Variants in MMP8 observed in about 807,000 individuals in gnomAD.
The protein encoded by MMP8 is matrix metallopeptidase 8, also known as neutrophil collagenase.
A neutral mutation model predicts 51.2 loss-of-function variants in MMP8; 67 were observed. That is an observed-to-expected ratio of 1.31 (90% CI 1.08 to 1.60). The LOEUF (loss-of-function observed/expected upper bound fraction) is 1.60, where lower values mean the gene tolerates loss of function less well. MMP8 is among the 40% of genes most tolerant of loss of function. MMP8 has a pLI of 0.00. For synonymous variants in MMP8, 225 were observed against 191.0 expected, an observed-to-expected ratio of 1.18 and a Z score of -1.47; for missense variants, 654 against 558.1, an observed-to-expected ratio of 1.17 and a Z score of -1.73.
chr11:102,722,625 T>C lies in MMP8; in HGVS notation c.151A>G (p.Thr51Ala). The change falls in exon 2 of 10, where the codon ACA (threonine) becomes GCA (alanine). Residue 51 changes from threonine to alanine, a missense_variant. Physicochemically the swap from Thr to Ala is moderately conservative, Grantham distance 58 (BLOSUM62 0). Coordinates refer to ENST00000236826, the MANE Select transcript of MMP8 (RefSeq NM_002424.3). ...YQLPSNQYQS[T>A]RKNGTNVIVE... ...ATCACATTAGTGCCATTCTTCCTTG[T>C]AGACTGATACTGGTTGCTTGGTAAT... The C allele has an allele frequency of 1.9e-6, 3 of 1,613,872 alleles. No homozygotes were observed. The highest frequency in any genetic ancestry group is 2.2e-5 in the East Asian group (1 of 44,884).
At chr11:102,724,712 T>C (rs1861569678) in intron 1 of MMP8, 42 bp downstream of exon 1, 1 of 1,513,290 alleles carries the variant, frequency 6.6e-7, no homozygotes, top group Non-Finnish European at 9.0e-7. Flanking sequence ...TATTTCCTAA[T>C]AATCAGCAAA....
intron 6 of MMP8, among the ~76,000 whole-genome samples, chr11:102,715,760 C>T (rs563575757): frequency 1.3e-5 from 2 of 152,294 alleles, no homozygotes; most frequent in African/African-American, 4.8e-5. Flanking sequence ...ATGCTGTGAA[C>T]ATATTGATAA....
rs754439091 is a variant in MMP8 at position 102,724,847 on chromosome 11, G to A, written c.9C>T (p.Ser3=). The A allele has an allele frequency of 4.4e-6, 7 of 1,608,644 alleles. No homozygotes were observed. In the Admixed American group the frequency reaches 1.0e-4, roughly 23 times the overall value. Residue 3 remains serine, a synonymous_variant, in exon 1 of 10, where the codon TCC becomes TCT. Coordinates refer to ENST00000236826, the MANE Select transcript of MMP8 (RefSeq NM_002424.3). The part of the protein sequence containing the change: MF[S]LKTLPFLLLL... ...AGAGCAGAAATGGAAGCGTCTTCAGGGAGAACATGATCTTCTCTTCAAACT... is the reference window on the plus strand; with the variant it reads ...AGAGCAGAAATGGAAGCGTCTTCAGAGAGAACATGATCTTCTCTTCAAACT...
rs781557771 is a variant in MMP8, at chr11:102,718,481, A to G, written c.717T>C (p.Tyr239=). ...AGTAGTTGCTGGTTTCCCTGAAAGC[A>G]TAGTTGGGATACATCAAGGCACCAG... The part of the protein sequence containing the change: ...SDPGALMYPN[Y]AFRETSNYSL... Residue 239 remains tyrosine, a synonymous_variant, in exon 5 of 10, where the codon TAT becomes TAC. Transcript: ENST00000236826. 1.2e-6 allele frequency: 2 copies of G among 1,613,874 alleles called. No individual in the cohort carries two copies. Among genetic ancestry groups the G allele is most frequent in the Admixed American group, 1.7e-5 (1 of 59,954 alleles).
intron 4 of MMP8, among the ~76,000 whole-genome samples, chr11:102,720,694 A>G (rs1256781960): frequency 6.6e-6 from 1 of 152,218 alleles, no homozygotes; most frequent in Non-Finnish European, 1.5e-5. Context: ...TTCTCCTGAA[A>G]GGAGTGGCTT....
chr11:102,718,792 T>C (rs1172573422), intron 4 of MMP8, among the ~76,000 whole-genome samples: 1 of 152,198 alleles, frequency 6.6e-6, no homozygotes, highest in Admixed American at 6.5e-5. Flanking sequence ...ATGAACTTCT[T>C]ATAAACTCTT....
rs1390357009 is a variant in MMP8, at chr11:102,715,437, C to T, written c.903G>A (p.Arg301=). ...GCTGAGGATGCCTTCTCCAGAAGTA[C>T]CTAACGGAACATAAGGAAACACACA... ...LRGEILFFKD[R]YFWRRHPQLQ... is the part of the protein sequence containing the mutation. The change falls in exon 7 of 10, where the codon AGG becomes AGA. Residue 301 remains arginine, a splice_region_variant and synonymous_variant. Transcript: ENST00000236826. The T allele has an allele frequency of 1.9e-6, 3 of 1,610,478 alleles. No individual in the cohort carries two copies. Among genetic ancestry groups the T allele is most frequent in the Non-Finnish European group, 1.7e-6 (2 of 1,178,560 alleles).
At chr11:102,714,528 C>T in intron 8 of MMP8, 28 bp downstream of exon 8, 1 of 1,388,912 alleles carries the variant, frequency 7.2e-7, no homozygotes, top group Non-Finnish European at 9.4e-7. Flanking sequence ...AGATTTCAAC[C>T]TATAATTGAA....
chr11:102,723,867 G>C, intron 1 of MMP8: 1 of 262,840 alleles, frequency 3.8e-6, no homozygotes, highest in Admixed American at 3.9e-5. Flanking sequence ...GACAGGCCTG[G>C]GTTCAAATCT....
chr11:102,719,002 C>A (rs1283586289), intron 4 of MMP8, among the ~76,000 whole-genome samples: 1 of 152,086 alleles, frequency 6.6e-6, no homozygotes, highest in African/African-American at 2.4e-5. Context: ...GAGAAGCCAG[C>A]CCAGCAGTGG....
chr11:102,723,680 C>A, intron 1 of MMP8: 1 of 288,236 alleles, frequency 3.5e-6, no homozygotes, highest in South Asian at 3.0e-5. Context: ...CCAGAACCCA[C>A]TCCAGCAAAA....
chr11:102,714,630 G>A lies in MMP8; in HGVS notation c.1116C>T (p.Ser372=). Residue 372 remains serine (S), a synonymous_variant, in exon 8 of 10, where the codon AGC becomes AGT. Coordinates refer to ENST00000236826, the MANE Select transcript of MMP8 (RefSeq NM_002424.3). ...PKDISNYGFP[S]SVQAIDAAVF... is the part of the protein sequence containing the mutation. ...CAGCTGCGTCAATTGCTTGGACGCT[G>A]CTGGGGAAGCCATAGTTTGATATAT... 6.4e-7 allele frequency: 1 copy of A among 1,550,500 alleles called. No individual in the cohort carries two copies. The highest frequency in any genetic ancestry group is 8.7e-7 in the Non-Finnish European group (1 of 1,151,116).
intron 8 of MMP8, among the ~76,000 whole-genome samples, chr11:102,714,226 A>G (rs1033195951): frequency 6.6e-6 from 1 of 152,220 alleles, no homozygotes; most frequent in Non-Finnish European, 1.5e-5. Context: ...GGCTATCTGG[A>G]TAACATTTGC....
At chr11:102,720,003 T>C (rs1190951441) in intron 4 of MMP8, among the ~76,000 whole-genome samples, 1 of 151,768 alleles carries the variant, frequency 6.6e-6, no homozygotes, top group East Asian at 1.9e-4. Context: ...ATGGGAAGAG[T>C]ATTTCAGGGA....
rs61754773 is a variant in MMP8, at chr11:102,716,306, C to T, written c.898G>A (p.Asp300Asn). Residue 300 changes from aspartate (D) to asparagine (N), a missense_variant, in exon 6 of 10, where the codon GAC becomes AAC. Asp to Asn is a conservative substitution (Grantham distance 23). Coordinates refer to ENST00000236826, the MANE Select transcript of MMP8 (RefSeq NM_002424.3). ...AGAAATATTTCAATTTTATACCTGTCTTTAAAGAAAAGTATTTCTCCACGG... is the reference window on the plus strand; with the variant it reads ...AGAAATATTTCAATTTTATACCTGTTTTTAAAGAAAAGTATTTCTCCACGG... Reference protein sequence around the residue: ...TLRGEILFFKDRYFWRRHPQL... With the variant: ...TLRGEILFFKNRYFWRRHPQL... The T allele has an allele frequency of 2.3e-4, 364 of 1,564,942 alleles. 3 individuals are homozygous for T. In the East Asian group the frequency reaches 7.3e-3, roughly 31 times the overall value.
At position 102,713,853 on chromosome 11, in the gene MMP8, C is replaced by G; in HGVS notation, c.1195G>C (p.Asp399His). The stretch of plus-strand genomic sequence containing the variant: ...GGCTCCATGAATTGTCTTTGGTTAT[C>G]ATATCTGGTAAAAACAAAATGTTAT... ...FFVNDQFWRY[D>H]NQRQFMEPGY... Residue 399 changes from aspartate to histidine, a missense_variant, in exon 9 of 10, where the codon GAT becomes CAT. Coordinates refer to ENST00000236826, the MANE Select transcript of MMP8 (RefSeq NM_002424.3). 6.2e-7 allele frequency: 1 copy of G among 1,604,230 alleles called. No homozygotes were observed. The highest frequency in any genetic ancestry group is 8.5e-7 in the Non-Finnish European group (1 of 1,176,200).
chr11:102,715,768 T>C (rs1422463741), intron 6 of MMP8, among the ~76,000 whole-genome samples: 5 of 152,316 alleles, frequency 3.3e-5, no homozygotes, highest in Non-Finnish European at 5.9e-5. Flanking sequence ...AACATATTGA[T>C]AAAAGCAACA....
At position 102,724,736 on chromosome 11, in the gene MMP8, A is replaced by G; in HGVS notation, c.102+18T>C. On this transcript the variant is annotated intron_variant, in intron 1 of 9. Coordinates refer to ENST00000236826, the MANE Select transcript of MMP8 (RefSeq NM_002424.3). ...ATAATCAGCAAATCAAACATCACCT[A>G]ACTGATAGTTCATTTACCTGAACAG... The G allele has an allele frequency of 6.3e-7, 1 of 1,577,558 alleles. No individual in the cohort carries two copies. The highest frequency in any genetic ancestry group is 8.6e-7 in the Non-Finnish European group (1 of 1,157,012).
chr11:102,718,105 C>A (rs921081980), intron 5 of MMP8, among the ~76,000 whole-genome samples: 2 of 4,008 alleles, frequency 5.0e-4, no homozygotes, highest in East Asian at 0.17. Context: ...AGACTCCATC[C>A]CCCCCCCCAA....
Sources: gnomAD v4.1 joint callset for allele counts (sites outside exome capture counted in the v4.1 genomes callset) on GRCh38, gnomAD v4.1.1 for gene constraint, MANE v1.5 for transcripts, NCBI Gene and HGNC (gene_info 2026-07-23, HGNC 2026-07-21) for gene names.